Variants in TCOF1 observed in about 807,000 individuals in gnomAD.
TCOF1 encodes the protein treacle ribosome biogenesis factor 1.
A neutral mutation model predicts 149.0 loss-of-function variants in TCOF1; 33 were observed. The observed-to-expected ratio is 0.22, with a 90% CI of 0.17 to 0.30. The LOEUF (loss-of-function observed/expected upper bound fraction) is 0.30, where lower values mean the gene tolerates loss of function less well. TCOF1 is among the 10% of genes least tolerant of loss of function. TCOF1 has a pLI of 1.00. For synonymous variants in TCOF1, 789 were observed against 738.8 expected, an observed-to-expected ratio of 1.07 and a Z score of -1.10; for missense variants, 1,728 against 1,840.7, an observed-to-expected ratio of 0.94 and a Z score of 1.12.
At chr5:150,373,034 G>C (rs1377507376) in intron 7 of TCOF1, among the ~76,000 whole-genome samples, 1 of 152,180 alleles carries the variant, frequency 6.6e-6, no homozygotes, top group African/African-American at 2.4e-5. Context: ...TGCAGTGTCT[G>C]GGGGCTACAC....
rs753298747 is a variant in TCOF1, at chr5:150,369,572, C to T, written c.609C>T (p.Thr203=). 6 of 1,614,016 alleles carry T rather than the reference C, an allele frequency of 3.7e-6. No homozygotes were observed. The highest frequency in any genetic ancestry group is 4.2e-6 in the Non-Finnish European group (5 of 1,180,036). The change falls in exon 6 of 27, where the codon ACC becomes ACT. Residue 203 remains threonine (T), a synonymous_variant. Coordinates refer to ENST00000643257, the MANE Select transcript of TCOF1 (RefSeq NM_001371623.1). ...AGQADSSSED[T]SSSSDETDVE... Reference sequence around the variant, plus strand: ...AGGCCGACAGCTCCAGCGAGGACACCTCCAGCTCCAGTGATGAGACAGACG... The same window carrying T: ...AGGCCGACAGCTCCAGCGAGGACACTTCCAGCTCCAGTGATGAGACAGACG...
chr5:150,389,738 G>A, intron 18 of TCOF1, 149 bp from the exon 19 acceptor site: 2 of 1,424,232 alleles, frequency 1.4e-6, no homozygotes, highest in East Asian at 2.5e-5. Context: ...TGGGAGGCTT[G>A]GAGAGGGAAG....
intron 2 of TCOF1, among the ~76,000 whole-genome samples, chr5:150,362,042 G>A (rs1355545980): frequency 6.6e-6 from 1 of 152,212 alleles, no homozygotes; most frequent in Non-Finnish European, 1.5e-5. Flanking sequence ...TTGACACAGG[G>A]AGAACAGGGT....
intron 25 of TCOF1, among the ~76,000 whole-genome samples, 165 bp downstream of exon 25, chr5:150,398,616 A>T (rs1017191523): frequency 6.6e-6 from 1 of 152,120 alleles, no homozygotes; most frequent in African/African-American, 2.4e-5. Flanking sequence ...ATGTTCCCTG[A>T]GCACATGGAA....
In TCOF1 at chr5:150,379,592, C is replaced by G; in HGVS notation, c.2719C>G (p.Pro907Ala). Residue 907 changes from proline to alanine, a missense_variant, in exon 17 of 27, where the codon CCC (proline) becomes GCC (alanine). Transcript: ENST00000643257. Reference sequence around the variant, plus strand: ...TGCCTTGGCTCCTGCCAAGGAGTCCCCCAGGAAAGGGGCTGCCCCAACACC... The same window carrying G: ...TGCCTTGGCTCCTGCCAAGGAGTCCGCCAGGAAAGGGGCTGCCCCAACACC... The part of the protein sequence containing the change: ...RAALAPAKES[P>A]RKGAAPTPPG... 1 of 1,614,106 alleles carries G rather than the reference C, an allele frequency of 6.2e-7. No homozygotes were observed. Among genetic ancestry groups the G allele is most frequent in the South Asian group, 1.1e-5 (1 of 91,086 alleles).
At chr5:150,391,265 G>T (rs1767381219) in intron 19 of TCOF1, among the ~76,000 whole-genome samples, 1 of 152,234 alleles carries the variant, frequency 6.6e-6, no homozygotes, top group African/African-American at 2.4e-5. Context: ...AAGAAGTAGA[G>T]ATGGGGGTCC....
chr5:150,374,332 C>T lies in TCOF1; in HGVS notation c.1029C>T (p.Ser343=), dbSNP rs528755887. 23 of 1,570,610 alleles carry T rather than the reference C, an allele frequency of 1.5e-5. No individual in the cohort carries two copies. The African/African-American group carries it at 2.6e-4, about 18-fold the overall frequency. The change falls in exon 8 of 27, where the codon AGC becomes AGT. Residue 343 remains serine (S), a synonymous_variant. Coordinates refer to ENST00000643257, the MANE Select transcript of TCOF1 (RefSeq NM_001371623.1). ...CAGAGGAGGACTCAGAGAGCAGCAGCGAGGAGTCATCTGACAGTGAGGAGG... is the reference window on the plus strand; with the variant it reads ...CAGAGGAGGACTCAGAGAGCAGCAGTGAGGAGTCATCTGACAGTGAGGAGG... ...GKPEEDSESS[S]EESSDSEEET...
chr5:150,383,688 G>A (rs1343964468), intron 17 of TCOF1: 3 of 1,537,272 alleles, frequency 2.0e-6, no homozygotes, highest in Non-Finnish European at 2.6e-6. Context: ...CTGAGGAAAG[G>A]TCCAAACGCT....
At chr5:150,391,295 C>T (rs1767391395) in intron 19 of TCOF1, among the ~76,000 whole-genome samples, 1 of 152,194 alleles carries the variant, frequency 6.6e-6, no homozygotes, top group African/African-American at 2.4e-5. Context: ...GAGATTATCC[C>T]CAGTGAAGGT....
intron 1 of TCOF1, among the ~76,000 whole-genome samples, chr5:150,359,002 C>G (rs991278180): frequency 6.6e-6 from 1 of 152,100 alleles, no homozygotes; most frequent in Non-Finnish European, 1.5e-5. Context: ...TGCCACTGCA[C>G]TCCAGCCTGG....
intron 8 of TCOF1, 75 bp downstream of exon 8, chr5:150,374,461 T>G: frequency 6.5e-7 from 1 of 1,548,858 alleles, no homozygotes; most frequent in Non-Finnish European, 8.7e-7. Context: ...GTTCTCCCAC[T>G]CTGGGCCAGA....
intron 3 of TCOF1, 93 bp from the exon 4 acceptor site, chr5:150,367,751 C>G: frequency 6.9e-7 from 1 of 1,446,616 alleles, no homozygotes; most frequent in Non-Finnish European, 9.6e-7. Flanking sequence ...GCAGCCAATA[C>G]CAATAGAATT....
At chr5:150,366,046 C>T (rs565754562) in intron 3 of TCOF1, among the ~76,000 whole-genome samples, 11 of 150,454 alleles carry the variant, frequency 7.3e-5, no homozygotes, top group African/African-American at 2.7e-4. Context: ...TACTTGAGCC[C>T]AGGAGGTCAA....
In TCOF1 at chr5:150,376,454, A is replaced by C; in HGVS notation, c.2174A>C (p.Lys725Thr). Residue 725 changes from lysine to threonine, a missense_variant, in exon 14 of 27, where the codon AAA (lysine) becomes ACA (threonine). Lys to Thr is a moderately conservative substitution (Grantham distance 78). Around this residue, in one of 2 missense-constraint regions of TCOF1, gnomAD observed 1,696 missense variants for 1,765.4 expected, o/e 0.96. Transcript: ENST00000643257. ...AKSVGKGLQV[K>T]AASVPVKGSL... is the part of the protein sequence containing the mutation. ...TCTGTGGGGAAAGGCCTCCAGGTGA[A>C]AGCAGCCTCAGTGCCTGTCAAGGGG... The C allele has an allele frequency of 1.9e-6, 3 of 1,614,204 alleles. No homozygotes were observed. The highest frequency in any genetic ancestry group is 2.5e-6 in the Non-Finnish European group (3 of 1,180,026).
intron 14 of TCOF1, among the ~76,000 whole-genome samples, chr5:150,378,070 G>A (rs1196757178): frequency 6.6e-6 from 1 of 152,112 alleles, no homozygotes; most frequent in African/African-American, 2.4e-5. Flanking sequence ...TGAGCACCTC[G>A]GCCTGAGTCA....
At chr5:150,378,465 A>C in intron 14 of TCOF1, 1 of 235,736 alleles carries the variant, frequency 4.2e-6, no homozygotes, top group Non-Finnish European at 8.4e-6. Context: ...CATTCCATCT[A>C]GCCTGGAGGA....
intron 15 of TCOF1, 67 bp downstream of exon 15, chr5:150,379,109 CCCAG>C (rs1381509093): frequency 1.2e-6 from 2 of 1,613,662 alleles, no homozygotes; most frequent in Admixed American, 3.3e-5. Context: ...AGTCACTGAG[CCCAG>C]CCAGGAGAAG....
rs1477853168 is a variant in TCOF1, at chr5:150,379,372, G to C, written c.2622G>C (p.Glu874Asp). The C allele has an allele frequency of 1.5e-5, 24 of 1,613,490 alleles. No individual in the cohort carries two copies. The South Asian group carries it at 2.2e-4, about 15-fold the overall frequency. The change falls in exon 16 of 27, where the codon GAG (glutamate) becomes GAC (aspartate). Residue 874 changes from glutamate to aspartate, a missense_variant. By Grantham distance (45) the Glu-to-Asp change is conservative (BLOSUM62 2). Transcript: ENST00000643257. ...PEEDSGSSEEESDSEEEAETL... is the reference protein window; with the variant it reads ...PEEDSGSSEEDSDSEEEAETL... ...AGGACTCAGGGAGCAGTGAGGAGGA[G>C]TCAGACAGTGAGGAGGAGGCGGAGA... is the stretch of plus-strand genomic sequence containing the variant.
At chr5:150,384,022 A>C (rs1295407051) in intron 17 of TCOF1, 1 of 1,373,002 alleles carries the variant, frequency 7.3e-7, no homozygotes, top group Non-Finnish European at 9.4e-7. Flanking sequence ...TCTGCCAGGC[A>C]CCTCAGAGCA....
Sources: gnomAD v4.1 joint callset for allele counts (sites outside exome capture counted in the v4.1 genomes callset) on GRCh38, gnomAD v4.1.1 for gene constraint, gnomAD v4.1.1 regional missense constraint, MANE v1.5 for transcripts, NCBI Gene and HGNC (gene_info 2026-07-23, HGNC 2026-07-21) for gene names.